The following SYNJ1 variants were observed in gnomAD, a reference collection of about 807,000 sequenced individuals.
The protein encoded by SYNJ1 is synaptojanin 1, also known as polyphosphatidylinositol phosphatase SYNJ1.
A neutral mutation model predicts 168.2 loss-of-function variants in SYNJ1; 78 were observed. The ratio of observed to expected loss-of-function variants is 0.46; its 90% CI spans 0.39 to 0.56. The LOEUF (loss-of-function observed/expected upper bound fraction) is 0.56. Ranked by LOEUF, SYNJ1 falls within the 20% of genes least tolerant of loss-of-function variation. SYNJ1 has a pLI of 0.00. For missense variants in SYNJ1, 1,303 were observed against 1,597.6 expected, an observed-to-expected ratio of 0.82 and a Z score of 3.14; for synonymous variants, 539 against 548.6, an observed-to-expected ratio of 0.98 and a Z score of 0.24.
intron 22 of SYNJ1, among the ~76,000 whole-genome samples, chr21:32,651,524 AT>A (rs962524031): frequency 3.9e-5 from 6 of 152,350 alleles, no homozygotes; most frequent in African/African-American, 1.4e-4. Flanking sequence ...AATCAATCCA[AT>A]TTCAGAACTT....
intron 23 of SYNJ1, among the ~76,000 whole-genome samples, chr21:32,647,559 T>C (rs2145790543): frequency 6.6e-6 from 1 of 152,284 alleles, no homozygotes; most frequent in East Asian, 1.9e-4. Context: ...GGCTACTCCT[T>C]CTCTTTTGAT....
At chr21:32,659,229 C>T (rs1262340788) in intron 18 of SYNJ1, among the ~76,000 whole-genome samples, 1 of 151,534 alleles carries the variant, frequency 6.6e-6, no homozygotes, top group East Asian at 1.9e-4. Context: ...AAAAAAACAG[C>T]CCTAAAGATG....
At chr21:32,637,406 C>CTTTTTTTTT (rs5843562) in intron 31 of SYNJ1, among the ~76,000 whole-genome samples, 11 of 100,294 alleles carry the variant, frequency 1.1e-4, no homozygotes, top group South Asian at 6.9e-4. Flanking sequence ...TTTCTTTTTT[C>CTTTTTTTTT]TTTTTTTTTT....
chr21:32,654,444 C>G lies in SYNJ1; in HGVS notation c.2796-1078G>C, dbSNP rs144358769. 9.9e-4 allele frequency among the ~76,000 whole-genome samples: 151 copies of G among 152,330 alleles called. 1 individual carries two copies. Among genetic ancestry groups the G allele is most frequent in the African/African-American group, 3.5e-3 (145 of 41,572 alleles). On this transcript the variant is annotated intron_variant, in intron 21 of 32. Coordinates refer to ENST00000674351, the MANE Select transcript of SYNJ1 (RefSeq NM_203446.3). ...CAGGGAGACCATTCTTACCTAACTA[C>G]ACGAAGGTATCTTTTTCAGATTGTT...
chr21:32,720,476 T>C (rs1213080817), intron 2 of SYNJ1, among the ~76,000 whole-genome samples: 4 of 152,214 alleles, frequency 2.6e-5, no homozygotes, highest in East Asian at 3.8e-4. Context: ...ATGACTTATA[T>C]TGAGTATTAT....
At chr21:32,705,640 A>C (rs894496189) in intron 2 of SYNJ1, among the ~76,000 whole-genome samples, 1 of 152,154 alleles carries the variant, frequency 6.6e-6, no homozygotes, top group Non-Finnish European at 1.5e-5. Flanking sequence ...AGGGAAAAAA[A>C]GTCTTCCCGA....
In SYNJ1 at chr21:32,665,944, A is replaced by G; in HGVS notation, c.2144T>C (p.Met715Thr). Residue 715 changes from methionine (M) to threonine (T), a missense_variant and splice_region_variant, in exon 17 of 33, where the codon ATG becomes ACG. Met to Thr is a moderately conservative substitution (Grantham distance 81). This residue lies in a region of SYNJ1 where 920 missense variants were observed against 1,208.8 expected (regional missense o/e 0.76). Transcript: ENST00000674351. ...IEIARKLSFP[M>T]GRMLFSHDYV... ...CAAGAACAAGCAGCAAGAGCTTACC[A>G]TAGGAAAACTCAATTTTCGTGCTAT... is the stretch of plus-strand genomic sequence containing the variant. 1 of 1,604,858 alleles carries G rather than the reference A, an allele frequency of 6.2e-7. No homozygotes were observed. Among genetic ancestry groups the G allele is most frequent in the Non-Finnish European group, 8.5e-7 (1 of 1,175,112 alleles).
intron 19 of SYNJ1, among the ~76,000 whole-genome samples, 194 bp downstream of exon 19, chr21:32,657,522 T>C (rs1351115782): frequency 6.6e-6 from 1 of 152,180 alleles, no homozygotes; most frequent in East Asian, 1.9e-4. Flanking sequence ...TATATGAAAA[T>C]AGGCTGAAAA....
intron 2 of SYNJ1, among the ~76,000 whole-genome samples, chr21:32,718,878 C>T (rs748922984): frequency 1.1e-4 from 16 of 152,100 alleles, no homozygotes; most frequent in Non-Finnish European, 1.8e-4. Flanking sequence ...GAAAATGCTA[C>T]CAATTACACT....
intron 7 of SYNJ1, among the ~76,000 whole-genome samples, chr21:32,687,387 G>A (rs2041872479): frequency 6.6e-6 from 1 of 152,214 alleles, no homozygotes; most frequent in Non-Finnish European, 1.5e-5. Context: ...TGGAAAGGCA[G>A]TAAGGGCAGA....
Position 32,635,019 on chromosome 21 carries a change from T to C in SYNJ1, c.3916-135A>G, listed in dbSNP as rs114017370. On this transcript the variant is annotated intron_variant, in intron 31 of 32. Coordinates refer to ENST00000674351, the MANE Select transcript of SYNJ1 (RefSeq NM_203446.3). ...ACCCAAGAGCAGCAATATTTGCAGG[T>C]TGTAACATAAATTCAAAAGACAATT... The C allele has an allele frequency of 3.4e-3, 2,868 of 852,174 alleles. 71 individuals carry two copies. In the African/African-American group the frequency reaches 0.044, roughly 13 times the overall value. The allele number at this position is 852,174 out of a possible 1,614,324, so 52.8% of individuals were successfully genotyped here.
intron 2 of SYNJ1, among the ~76,000 whole-genome samples, chr21:32,702,915 C>T (rs1206005297): frequency 6.6e-6 from 1 of 152,236 alleles, no homozygotes; most frequent in Non-Finnish European, 1.5e-5. Flanking sequence ...TAAGTAGATA[C>T]TTATGACTGT....
At chr21:32,691,797 A>G (rs917517978) in intron 6 of SYNJ1, among the ~76,000 whole-genome samples, 1 of 152,224 alleles carries the variant, frequency 6.6e-6, no homozygotes, top group Non-Finnish European at 1.5e-5. Context: ...TGAATCTCTC[A>G]TAGCACCTAG....
upstream of SYNJ1, chr21:32,728,151 C>T (rs2146449247): frequency 7.7e-7 from 1 of 1,303,058 alleles, no homozygotes; most frequent in Non-Finnish European, 1.0e-6. Flanking sequence ...CACCCGCGGG[C>T]GGCCCCAGCC....
chr21:32,672,059 C>CAAAAAAAAAAAAAAAAAAAAAAAAAGAA (rs2041218560), intron 14 of SYNJ1, among the ~76,000 whole-genome samples: 1 of 24,662 alleles, frequency 4.1e-5, no homozygotes, highest in Non-Finnish European at 7.2e-5. Context: ...AACTCAATCT[C>CAAAAAAAAAAAAAAAAAAAAAAAAAGAA]AAAAAAAAAA....
At chr21:32,632,773 A>G (rs1183896881) in intron 32 of SYNJ1, among the ~76,000 whole-genome samples, 1 of 152,146 alleles carries the variant, frequency 6.6e-6, no homozygotes, top group East Asian at 1.9e-4. Flanking sequence ...TAATCCCTGC[A>G]CTTTGTAAGG....
chr21:32,635,744 A>C (rs142485369), intron 31 of SYNJ1, among the ~76,000 whole-genome samples: 130 of 152,184 alleles, frequency 8.5e-4, no homozygotes, highest in African/African-American at 2.9e-3. Context: ...ATCTTACTCA[A>C]ATTTTCTGAA....
intron 16 of SYNJ1, 96 bp downstream of exon 16, chr21:32,666,337 T>C: frequency 1.3e-6 from 2 of 1,521,460 alleles, no homozygotes; most frequent in Non-Finnish European, 1.8e-6. Flanking sequence ...CTATGGATAG[T>C]TTTTGTTTGA....
rs148256185 is a variant in SYNJ1, at chr21:32,678,259, A to G, written c.1510+386T>C. 8.3e-4 allele frequency among the ~76,000 whole-genome samples: 127 copies of G among 152,356 alleles called. 1 individual carries two copies. The East Asian group carries it at 0.023, about 27-fold the overall frequency. ...AACTTTTGGGATAGTGATTTAAAAAATAACCAATATAGGCATTAGTTTTCC... is the reference window on the plus strand; with the variant it reads ...AACTTTTGGGATAGTGATTTAAAAAGTAACCAATATAGGCATTAGTTTTCC... On this transcript the variant is annotated intron_variant, in intron 12 of 32. Coordinates refer to ENST00000674351, the MANE Select transcript of SYNJ1 (RefSeq NM_203446.3).
Sources: allele counts gnomAD v4.1 joint callset (sites outside exome capture counted in the v4.1 genomes callset), GRCh38; gene constraint gnomAD v4.1.1; regional missense constraint gnomAD v4.1.1; transcripts MANE v1.5; gene names NCBI Gene and HGNC (gene_info 2026-07-23, HGNC 2026-07-21).